Variants in LRPPRC observed in about 807,000 individuals in gnomAD.
LRPPRC encodes the protein leucine rich pentatricopeptide repeat containing, also known as leucine-rich PPR motif-containing protein, mitochondrial.
In LRPPRC, 120 loss-of-function variants were observed where a neutral mutation model predicts 180.3. The observed-to-expected ratio is 0.67, with a 90% confidence interval of 0.57 to 0.77. The LOEUF is 0.77. Ranked by LOEUF, LRPPRC falls within the 30% of genes least tolerant of loss-of-function variation. The pLI is 0.00. For missense variants in LRPPRC, 2,012 were observed against 1,657.2 expected, an observed-to-expected ratio of 1.21 and a Z score of -3.72; for synonymous variants, 723 against 600.0, an observed-to-expected ratio of 1.21 and a Z score of -3.00.
chr2:43,993,672 G>A (rs572086792), intron 1 of LRPPRC, among the ~76,000 whole-genome samples: 1 of 151,786 alleles, frequency 6.6e-6, no homozygotes. Flanking sequence ...ATTGCCTGCT[G>A]TCACCTGAAC....
At chr2:43,931,451 A>G (rs1384201313) in intron 25 of LRPPRC, among the ~76,000 whole-genome samples, 1 of 152,322 alleles carries the variant, frequency 6.6e-6, no homozygotes, top group East Asian at 1.9e-4. Flanking sequence ...GTGTTATCTA[A>G]TAAGAGTTCT....
In LRPPRC at chr2:43,948,196, C is replaced by T. The variant is rs1229301675; in HGVS notation, c.1846G>A (p.Val616Ile). ...CTGTAGATATTTTCAGGAATTTTTA[C>T]ATTCTGTGAGAAGGGAAGGGAGGGG... ...QYFHQLEKMN[V>I]KIPENIYRGI... Residue 616 changes from valine (V) to isoleucine (I), a missense_variant, in exon 18 of 38, where the codon GTA becomes ATA. By Grantham distance (29) the Val-to-Ile change is conservative (BLOSUM62 3). Coordinates refer to ENST00000260665, the MANE Select transcript of LRPPRC (RefSeq NM_133259.4). The T allele has an allele frequency of 1.3e-6, 2 of 1,583,402 alleles. No individual in the cohort carries two copies. Among genetic ancestry groups the T allele is most frequent in the African/African-American group, 1.3e-5 (1 of 74,218 alleles).
At chr2:43,917,269 G>C (rs1017118272) in intron 29 of LRPPRC, among the ~76,000 whole-genome samples, 35 of 151,774 alleles carry the variant, frequency 2.3e-4, no homozygotes, top group African/African-American at 7.5e-4. Flanking sequence ...TCCATCTCTT[G>C]ACTTCGTGAT....
chr2:43,951,795 T>C (rs1672914877), intron 14 of LRPPRC, among the ~76,000 whole-genome samples: 1 of 151,970 alleles, frequency 6.6e-6, no homozygotes, highest in Non-Finnish European at 1.5e-5. Context: ...TTTGTACTTC[T>C]ATTTTAACTC....
At chr2:43,951,273 A>G (rs911763386) in intron 14 of LRPPRC, among the ~76,000 whole-genome samples, 1 of 152,246 alleles carries the variant, frequency 6.6e-6, no homozygotes, top group African/African-American at 2.4e-5. Context: ...AAAATAAGAT[A>G]AAAATTAGGT....
intron 25 of LRPPRC, among the ~76,000 whole-genome samples, chr2:43,931,984 G>A (rs943050713): frequency 7.9e-5 from 12 of 151,726 alleles, no homozygotes; most frequent in Non-Finnish European, 1.6e-4. Context: ...TGTAGTAATT[G>A]CTATAAGATG....
In LRPPRC at chr2:43,966,156, AACAT is replaced by A. The variant is rs1293953666; in HGVS notation, c.1370-2454_1370-2451del. ...CAAAGAAAATCCTGTCATTTACAAC[AACAT>A]GAATGAACTTGAAGCACATGCTAAG... On this transcript the variant is annotated intron_variant, in intron 11 of 37. Transcript: ENST00000260665. Among the ~76,000 whole-genome samples, 2 of 152,182 alleles carry A rather than the reference AACAT, an allele frequency of 1.3e-5. 1 individual carries two copies. The highest frequency in any genetic ancestry group is 1.3e-4 in the Admixed American group (2 of 15,270).
chr2:43,943,547 T>C (rs770787178), intron 23 of LRPPRC, 140 bp downstream of exon 23: 5 of 703,840 alleles, frequency 7.1e-6, no homozygotes, highest in Non-Finnish European at 1.3e-5. Flanking sequence ...GGTCACCTAG[T>C]TCATATTAGC....
At chr2:43,984,708 C>G (rs1434748281) in intron 1 of LRPPRC, among the ~76,000 whole-genome samples, 1 of 152,132 alleles carries the variant, frequency 6.6e-6, no homozygotes, top group Non-Finnish European at 1.5e-5. Flanking sequence ...AAGAACAGAA[C>G]AAGTCCAGGG....
chr2:43,913,018 T>A (rs937621249), intron 29 of LRPPRC, among the ~76,000 whole-genome samples: 1 of 152,272 alleles, frequency 6.6e-6, no homozygotes, highest in Non-Finnish European at 1.5e-5. Flanking sequence ...GTGGTTACAA[T>A]GGTTAACATT....
intron 1 of LRPPRC, among the ~76,000 whole-genome samples, chr2:43,994,681 A>G (rs529504538): frequency 6.6e-6 from 1 of 152,174 alleles, no homozygotes; most frequent in Non-Finnish European, 1.5e-5. Flanking sequence ...TACAAGCATC[A>G]GTCTTTCAAA....
chr2:43,994,965 G>C (rs907501733), intron 1 of LRPPRC, among the ~76,000 whole-genome samples: 3 of 152,230 alleles, frequency 2.0e-5, no homozygotes, highest in African/African-American at 7.2e-5. Context: ...TACAGGACGG[G>C]AGCGGTGGCT....
chr2:43,891,476 G>A lies in LRPPRC; in HGVS notation c.3986-1600C>T, dbSNP rs570691312. On this transcript the variant is annotated intron_variant, in intron 36 of 37. Transcript: ENST00000260665. Reference sequence around the variant, plus strand: ...TCTGTGTCACATTTTGGTAATTCCTGGAATATTTCAACCTTTTTCATTATT... The same window carrying A: ...TCTGTGTCACATTTTGGTAATTCCTAGAATATTTCAACCTTTTTCATTATT... Among the ~76,000 whole-genome samples the A allele has an allele frequency of 3.3e-5, 5 of 152,180 alleles. No individual in the cohort carries two copies. In the South Asian group the frequency reaches 8.3e-4, roughly 25 times the overall value.
chr2:43,898,444 A>G (rs1045446555), intron 34 of LRPPRC, among the ~76,000 whole-genome samples: 2 of 152,032 alleles, frequency 1.3e-5, no homozygotes, highest in African/African-American at 4.8e-5. Flanking sequence ...CTACACAAAC[A>G]CAGCCGTTGG....
chr2:43,992,148 G>A (rs1674809600), intron 1 of LRPPRC, among the ~76,000 whole-genome samples: 1 of 152,206 alleles, frequency 6.6e-6, no homozygotes, highest in African/African-American at 2.4e-5. Flanking sequence ...AAAGGAGCCA[G>A]TCAAATGGGA....
chr2:43,973,808 G>T lies in LRPPRC; in HGVS notation c.1248C>A (p.Leu416=). The T allele has an allele frequency of 6.2e-7, 1 of 1,613,128 alleles. No individual in the cohort carries two copies. Among genetic ancestry groups the T allele is most frequent in the Non-Finnish European group, 8.5e-7 (1 of 1,179,098 alleles). Residue 416 remains leucine, a synonymous_variant, in exon 10 of 38, where the codon CTC becomes CTA. Transcript: ENST00000260665. ...PLQFTLHCAL[L]ANKTDLAKAL... is the part of the protein sequence containing the mutation. ...AGAATGTAGTACCAGTTTTATTGGC[G>T]AGTAAAGCACAATGGAGGGTGAACT...
intron 31 of LRPPRC, 47 bp downstream of exon 31, chr2:43,905,645 T>C: frequency 1.5e-6 from 2 of 1,350,196 alleles, no homozygotes; most frequent in Non-Finnish European, 2.1e-6. Context: ...ACAAGAAAAA[T>C]CTGCAGAGGC....
chr2:43,973,674 A>G lies in LRPPRC; in HGVS notation c.1302T>C (p.Gly434=). ...KALMKAVKEE[G]FPIRPHYFWP... is the part of the protein sequence containing the mutation. The stretch of plus-strand genomic sequence containing the variant: ...AGAAATAGTGAGGTCTGATAGGAAA[A>G]CCTTCCTCCTTCACAGCCTTCATTA... Residue 434 remains glycine (G), a synonymous_variant, in exon 11 of 38, where the codon GGT becomes GGC. Transcript: ENST00000260665. The G allele has an allele frequency of 6.2e-7, 1 of 1,613,976 alleles. No homozygotes were observed. Among genetic ancestry groups the G allele is most frequent in the Non-Finnish European group, 8.5e-7 (1 of 1,179,902 alleles).
At chr2:43,896,226 T>TTTC (rs1670680911) in intron 35 of LRPPRC, 1 of 135,672 alleles carries the variant, frequency 7.4e-6, no homozygotes, top group Non-Finnish European at 1.6e-5. Flanking sequence ...TTCTTTCTTT[T>TTTC]TTTTTTTTTT....
Sources: allele counts gnomAD v4.1 joint callset (sites outside exome capture counted in the v4.1 genomes callset), GRCh38; gene constraint gnomAD v4.1.1; transcripts MANE v1.5; gene names NCBI Gene and HGNC (gene_info 2026-07-23, HGNC 2026-07-21).